The following CFAP221 variants were observed in gnomAD, a reference collection of about 807,000 sequenced individuals.
The protein encoded by CFAP221 is cilia and flagella associated protein 221.
A neutral mutation model predicts 113.1 loss-of-function variants in CFAP221; 97 were observed. That is an observed-to-expected ratio of 0.86 (90% CI 0.73 to 1.02). CFAP221 has a LOEUF of 1.02. CFAP221 is among the 50% of genes least tolerant of loss of function. CFAP221 has a pLI of 0.00. For missense variants in CFAP221, 1,025 were observed against 1,013.4 expected (o/e 1.01, Z -0.16); for synonymous variants, 331 against 354.4 (o/e 0.93, Z 0.74).
intron 3 of CFAP221, 45 bp from the exon 4 acceptor site, chr2:119,559,644 A>C (rs764335724): frequency 1.4e-6 from 2 of 1,434,864 alleles, no homozygotes; most frequent in Non-Finnish European, 1.9e-6. Flanking sequence ...TGAGTATGCA[A>C]ATAAAGCCGT....
intron 6 of CFAP221, among the ~76,000 whole-genome samples, chr2:119,578,838 T>G (rs1038203223): frequency 3.9e-5 from 6 of 152,198 alleles, no homozygotes; most frequent in African/African-American, 1.4e-4. Flanking sequence ...ATATCGGGAA[T>G]TTTTAGTTAG....
intron 23 of CFAP221, 54 bp from the exon 24 acceptor site, chr2:119,656,308 G>A (rs1688429941): frequency 2.1e-6 from 3 of 1,436,592 alleles, no homozygotes. Context: ...GGGGTGATTT[G>A]CGTGGTTTTA....
intron 7 of CFAP221, among the ~76,000 whole-genome samples, chr2:119,600,016 G>T (rs1385774632): frequency 1.3e-5 from 2 of 152,058 alleles, no homozygotes; most frequent in African/African-American, 2.4e-5. Flanking sequence ...TGTTTGGGGG[G>T]ACTGTGCGAG....
intron 11 of CFAP221, among the ~76,000 whole-genome samples, chr2:119,607,195 A>G (rs959769933): frequency 1.3e-5 from 2 of 152,130 alleles, no homozygotes; most frequent in African/African-American, 4.8e-5. Flanking sequence ...GTTTTGCCAC[A>G]TTGCCCAGGC....
chr2:119,589,395 A>G (rs72963197), intron 7 of CFAP221, among the ~76,000 whole-genome samples: 24,442 of 152,292 alleles, frequency 0.16, 2,181 homozygotes, highest in African/African-American at 0.24. Flanking sequence ...GAGGCCATAC[A>G]GCTGGACAGT....
chr2:119,635,384 A>G (rs1687050383), intron 19 of CFAP221, among the ~76,000 whole-genome samples: 1 of 152,250 alleles, frequency 6.6e-6, no homozygotes. Context: ...TCCCAAACAT[A>G]TAAATCTTGG....
rs1686245492 is a variant in CFAP221 at position 119,625,583 on chromosome 2, G to A, written c.1411G>A (p.Val471Ile). ...QKRFQQVARK[V>I]MIQGRLFNML... ...AAATCATTATCCACTCCAATTTCAG[G>A]TCATGATTCAGGGACGATTATTCAA... Residue 471 changes from valine to isoleucine, a missense_variant and splice_region_variant, in exon 15 of 24, where the codon GTC becomes ATC. By Grantham distance (29) the Val-to-Ile change is conservative. Transcript: ENST00000413369. The A allele has an allele frequency of 1.9e-6, 3 of 1,607,814 alleles. No individual in the cohort carries two copies. The East Asian group carries it at 6.7e-5, about 36-fold the overall frequency.
At chr2:119,630,467 C>A in intron 17 of CFAP221, 103 bp from the exon 18 acceptor site, 1 of 838,406 alleles carries the variant, frequency 1.2e-6, no homozygotes, top group South Asian at 1.7e-5. Flanking sequence ...TGGTGCTTGT[C>A]TTACTTTTAC....
Position 119,587,221 on chromosome 2 carries a change from A to C in CFAP221, c.630A>C (p.Ser210=). The change falls in exon 7 of 24, where the codon TCA becomes TCC. Residue 210 remains serine (S), a splice_region_variant and synonymous_variant. Coordinates refer to ENST00000413369, the MANE Select transcript of CFAP221 (RefSeq NM_001271049.2). ...AAGCCTTTGCTATTGAGCCAACATC[A>C]GGTAAGGAGTGTCAAGATTTCAAGT... is the stretch of plus-strand genomic sequence containing the variant. ...SHQAFAIEPT[S]GIIPANGKMT... The C allele has an allele frequency of 6.7e-7, 1 of 1,495,754 alleles. No homozygotes were observed. The highest frequency in any genetic ancestry group is 8.9e-7 in the Non-Finnish European group (1 of 1,127,208). 92.7% of individuals were successfully genotyped at this position (1,495,754 alleles called of 1,614,324 possible). A position where few individuals can be genotyped will look rare whatever the true frequency, so the allele number is the denominator to read the frequency against.
chr2:119,658,627 A>G (rs1401480295), downstream of CFAP221, among the ~76,000 whole-genome samples: 2 of 151,856 alleles, frequency 1.3e-5, no homozygotes, highest in South Asian at 2.1e-4. Flanking sequence ...ACGCACACAC[A>G]CACACACACA....
intron 1 of CFAP221, 88 bp from the exon 2 acceptor site, chr2:119,545,997 C>T: frequency 1.0e-6 from 1 of 986,304 alleles, no homozygotes; most frequent in Non-Finnish European, 1.4e-6. Context: ...CAGTAAACCA[C>T]ACAGAGACGA....
chr2:119,597,372 G>A (rs1384679175), intron 7 of CFAP221, among the ~76,000 whole-genome samples: 1 of 152,200 alleles, frequency 6.6e-6, no homozygotes, highest in Non-Finnish European at 1.5e-5. Flanking sequence ...TTGCCACTGT[G>A]AGTGGGATGG....
Position 119,604,857 on chromosome 2 carries a change from T to G in CFAP221, c.913-19T>G. 2 of 1,613,366 alleles carry G rather than the reference T, an allele frequency of 1.2e-6. No homozygotes were observed. The highest frequency in any genetic ancestry group is 1.7e-6 in the Non-Finnish European group (2 of 1,179,598). Reference sequence around the variant, plus strand: ...AGAGGGGCAGACTAACTGATTTCCCTATTGATTTGGTCTCTTAGGAAATTG... The same window carrying G: ...AGAGGGGCAGACTAACTGATTTCCCGATTGATTTGGTCTCTTAGGAAATTG... On this transcript the variant is annotated intron_variant, in intron 9 of 23. Transcript: ENST00000413369.
At chr2:119,549,837 C>A (rs1680298467) in intron 3 of CFAP221, among the ~76,000 whole-genome samples, 1 of 152,202 alleles carries the variant, frequency 6.6e-6, no homozygotes, top group Admixed American at 6.5e-5. Context: ...GGCTGGACTG[C>A]AAAGTAGCCA....
At chr2:119,587,336 T>C in intron 7 of CFAP221, 114 bp downstream of exon 7, 1 of 622,242 alleles carries the variant, frequency 1.6e-6, no homozygotes. Context: ...TGATGTAAAA[T>C]GGAATTGGAC....
At chr2:119,598,608 G>T (rs1265819571) in intron 7 of CFAP221, among the ~76,000 whole-genome samples, 3 of 152,294 alleles carry the variant, frequency 2.0e-5, no homozygotes, top group Middle Eastern at 3.4e-3. Flanking sequence ...GGTGGGGGTT[G>T]CCCTTCTCAC....
chr2:119,656,451 C>T lies in CFAP221; in HGVS notation c.2504C>T (p.Thr835Ile), dbSNP rs759799723. ...AACCTGCGGGGCAAAGCACTCAACA[C>T]ATACCTGATTCTAGAATGAAAGTCA... ...MRNLRGKALN[T>I]YLILE The change falls in exon 24 of 24, where the codon ACA becomes ATA. Residue 835 changes from threonine (T) to isoleucine (I), a missense_variant. Coordinates refer to ENST00000413369, the MANE Select transcript of CFAP221 (RefSeq NM_001271049.2). 1 of 1,613,608 alleles carries T rather than the reference C, an allele frequency of 6.2e-7. No homozygotes were observed. The highest frequency in any genetic ancestry group is 8.5e-7 in the Non-Finnish European group (1 of 1,179,612).
In CFAP221 at chr2:119,647,382, C is replaced by T. The variant is rs182561114; in HGVS notation, c.2318+332C>T. Among the ~76,000 whole-genome samples, 139 of 152,222 alleles carry T rather than the reference C, an allele frequency of 9.1e-4. 2 individuals are homozygous for T. Among genetic ancestry groups the T allele is most frequent in the African/African-American group, 2.9e-3 (122 of 41,514 alleles). Reference sequence around the variant, plus strand: ...GAAAGATAGGTAGGACTTGGATGGGCATAAAGAAATACAAGTCCAGAAGTA... The same window carrying T: ...GAAAGATAGGTAGGACTTGGATGGGTATAAAGAAATACAAGTCCAGAAGTA... On this transcript the variant is annotated intron_variant, in intron 22 of 23. Coordinates refer to ENST00000413369, the MANE Select transcript of CFAP221 (RefSeq NM_001271049.2).
In CFAP221 at chr2:119,604,861, G is replaced by A; in HGVS notation, c.913-15G>A. 6.2e-7 allele frequency: 1 copy of A among 1,613,634 alleles called. No individual in the cohort carries two copies. Among genetic ancestry groups the A allele is most frequent in the Non-Finnish European group, 8.5e-7 (1 of 1,179,752 alleles). Reference sequence around the variant, plus strand: ...GGGCAGACTAACTGATTTCCCTATTGATTTGGTCTCTTAGGAAATTGAGTA... The same window carrying A: ...GGGCAGACTAACTGATTTCCCTATTAATTTGGTCTCTTAGGAAATTGAGTA... On this transcript the variant is annotated splice_polypyrimidine_tract_variant and intron_variant, in intron 9 of 23. Transcript: ENST00000413369.
Sources: allele counts gnomAD v4.1 joint callset (sites outside exome capture counted in the v4.1 genomes callset), GRCh38; gene constraint gnomAD v4.1.1; transcripts MANE v1.5; gene names NCBI Gene and HGNC (gene_info 2026-07-23, HGNC 2026-07-21).